AGAP1: variants seen among roughly 807,000 people sequenced by gnomAD.
The protein encoded by AGAP1 is ArfGAP with GTPase domain, ankyrin repeat and PH domain 1.
A neutral mutation model predicts 105.3 loss-of-function variants in AGAP1; 29 were observed. The observed-to-expected ratio is 0.28, with a 90% confidence interval of 0.21 to 0.38. The LOEUF is 0.38. Among genes scored for constraint, AGAP1 ranks in the 10% least tolerant of loss-of-function variants. AGAP1 has a pLI of 1.00. For synonymous variants in AGAP1, 509 were observed against 485.9 expected, an observed-to-expected ratio of 1.05 and a Z score of -0.63; for missense variants, 998 against 1,165.1, an observed-to-expected ratio of 0.86 and a Z score of 2.09.
At chr2:235,706,123 T>G (rs1171657019) in intron 1 of AGAP1, among the ~76,000 whole-genome samples, 1 of 152,248 alleles carries the variant, frequency 6.6e-6, no homozygotes, top group Non-Finnish European at 1.5e-5. Flanking sequence ...GCCATCTAGT[T>G]CCTAACCCTA....
chr2:235,504,638 G>T (rs1941714139), intron 1 of AGAP1, among the ~76,000 whole-genome samples: 1 of 152,272 alleles, frequency 6.6e-6, no homozygotes, highest in South Asian at 2.1e-4. Context: ...TGTGTGCTGG[G>T]CTGTGTCTTT....
In AGAP1 at chr2:236,120,106, G is replaced by A. The variant is rs1015241657; in HGVS notation, c.2115-86G>A. The stretch of plus-strand genomic sequence containing the variant: ...TTTCTGTTATTTCACTTCCCTCTCG[G>A]CTTCTCCCGACCACACTGGGCAGGG... On this transcript the variant is annotated intron_variant, in intron 16 of 17. Transcript: ENST00000304032. The surrounding 1 kb of genome is among the most constrained non-coding windows in gnomAD (Gnocchi z 6.0). The A allele has an allele frequency of 3.7e-5, 56 of 1,524,222 alleles. No homozygotes were observed. The African/African-American group carries it at 7.2e-4, about 20-fold the overall frequency. 94.4% of individuals were successfully genotyped at this position (1,524,222 alleles called of 1,614,324 possible).
At position 235,883,179 on chromosome 2, in the gene AGAP1, T is replaced by G. The variant is rs1435523805; in HGVS notation, c.1051-166T>G. ...TCTAGTGTAGCACGTCTCAATGTGT[T>G]TGTGTCGTATTTGTTGAACTAATGG... On this transcript the variant is annotated intron_variant, in intron 9 of 17. Coordinates refer to ENST00000304032, the MANE Select transcript of AGAP1 (RefSeq NM_001037131.3). This position sits in a 1 kb window ranked among gnomAD's most constrained non-coding sequence, Gnocchi z 4.5. Among the ~76,000 whole-genome samples, 3 of 152,128 alleles carry G rather than the reference T, an allele frequency of 2.0e-5. No individual in the cohort carries two copies. Among genetic ancestry groups the G allele is most frequent in the Non-Finnish European group, 4.4e-5 (3 of 68,024 alleles).
At chr2:235,748,907 G>A (rs1446942977) in intron 5 of AGAP1, among the ~76,000 whole-genome samples, 1 of 152,172 alleles carries the variant, frequency 6.6e-6, no homozygotes, top group African/African-American at 2.4e-5. Flanking sequence ...AAAGATTCAG[G>A]TTAGGAAACT....
In AGAP1 at chr2:235,971,735, G is replaced by GTTTTA. The variant is rs1294323907; in HGVS notation, c.1645+3121_1645+3125dup. Among the ~76,000 whole-genome samples the GTTTTA allele has an allele frequency of 1.1e-4, 16 of 143,428 alleles. No individual in the cohort carries two copies. Among genetic ancestry groups the GTTTTA allele is most frequent in the African/African-American group, 4.5e-4 (16 of 35,436 alleles). The allele number at this position is 143,428 out of a possible 152,430, so 94.1% of individuals were successfully genotyped here. ...CTTGAAACTAAAGCTAGTTATATAT[G>GTTTTA]TTTTATTTTATTTATTTATTTATTT... On this transcript the variant is annotated intron_variant, in intron 13 of 17. Coordinates refer to ENST00000304032, the MANE Select transcript of AGAP1 (RefSeq NM_001037131.3). This position sits in a 1 kb window ranked among gnomAD's most constrained non-coding sequence, Gnocchi z 4.8.
chr2:235,510,007 G>A (rs1942004522), intron 1 of AGAP1, among the ~76,000 whole-genome samples: 1 of 152,052 alleles, frequency 6.6e-6, no homozygotes, highest in African/African-American at 2.4e-5. Flanking sequence ...TAGATTTGGC[G>A]CTCCTTATGA....
intron 12 of AGAP1, among the ~76,000 whole-genome samples, chr2:235,935,111 C>A (rs906094062): frequency 6.6e-6 from 1 of 152,156 alleles, no homozygotes; most frequent in Non-Finnish European, 1.5e-5. Context: ...ATGCCCACTG[C>A]TTTATGACTA....
chr2:236,071,416 G>A (rs2058492997), intron 16 of AGAP1, among the ~76,000 whole-genome samples: 1 of 152,088 alleles, frequency 6.6e-6, no homozygotes. Flanking sequence ...CCCACCCAAG[G>A]GACTGTGAGG....
Position 236,060,542 on chromosome 2 carries a change from T to C in AGAP1, c.2114+11261T>C, listed in dbSNP as rs72973045. Among the ~76,000 whole-genome samples, 1,201 of 151,656 alleles carry C rather than the reference T, an allele frequency of 7.9e-3. 15 individuals are homozygous for C. The highest frequency in any genetic ancestry group is 0.014 in the Middle Eastern group (4 of 290). ...CATCTCTATAAAAAATAAAAAACAT[T>C]AGCCAGGTATGGTGACGTGCACCTG... On this transcript the variant is annotated intron_variant, in intron 16 of 17. Coordinates refer to ENST00000304032, the MANE Select transcript of AGAP1 (RefSeq NM_001037131.3).
At chr2:235,671,555 A>G (rs1021841342) in intron 1 of AGAP1, among the ~76,000 whole-genome samples, 6 of 152,220 alleles carry the variant, frequency 3.9e-5, no homozygotes, top group African/African-American at 1.4e-4. Context: ...ATGTGGACTC[A>G]GCTGACTCCG....
intron 1 of AGAP1, among the ~76,000 whole-genome samples, chr2:235,572,728 G>A (rs1276443422): frequency 3.9e-5 from 6 of 152,208 alleles, no homozygotes; most frequent in African/African-American, 1.4e-4. Context: ...GCTGCCCTTA[G>A]AGTCTTCCTG....
rs1244350931 is a variant in AGAP1, at chr2:236,001,091, G to C, written c.1645+32468G>C. Among the ~76,000 whole-genome samples, 1 of 152,184 alleles carries C rather than the reference G, an allele frequency of 6.6e-6. No homozygotes were observed. The highest frequency in any genetic ancestry group is 1.5e-5 in the Non-Finnish European group (1 of 68,040). On this transcript the variant is annotated intron_variant, in intron 13 of 17. Coordinates refer to ENST00000304032, the MANE Select transcript of AGAP1 (RefSeq NM_001037131.3). This position sits in a 1 kb window ranked among gnomAD's most constrained non-coding sequence, Gnocchi z 4.7. ...TGTCATTAGCTATACAGGAGGGGAG[G>C]GGATGGACCCTCAGAGGCGAGACGG...
rs2052981622 is a variant in AGAP1 at position 235,936,231 on chromosome 2, C to T, written c.1483+5308C>T. ...ACTTCCCTCGGCCTCCCCCAGGCCA[C>T]CACGCAGCCTCGTCACCATCGAGCA... On this transcript the variant is annotated intron_variant, in intron 12 of 17. Transcript: ENST00000304032. The surrounding 1 kb of genome is among the most constrained non-coding windows in gnomAD (Gnocchi z 4.7). 6.6e-6 allele frequency among the ~76,000 whole-genome samples: 1 copy of T among 152,218 alleles called. No homozygotes were observed. The highest frequency in any genetic ancestry group is 2.4e-5 in the African/African-American group (1 of 41,458).
chr2:235,577,836 CCAT>C lies in AGAP1; in HGVS notation c.163+82988_163+82990del, dbSNP rs1169911061. 1.1e-4 allele frequency among the ~76,000 whole-genome samples: 17 copies of C among 152,002 alleles called. No homozygotes were observed. The highest frequency in any genetic ancestry group is 4.1e-4 in the African/African-American group (17 of 41,378). On this transcript the variant is annotated intron_variant, in intron 1 of 17. Transcript: ENST00000304032. This position sits in a 1 kb window ranked among gnomAD's most constrained non-coding sequence, Gnocchi z 4.5. ...CCTCCTTCAGCGCTGCACAAAAGGC[CCAT>C]GTCTGCTCGCTGGGACCTGATAGTT...
At chr2:235,706,264 G>A (rs1031431938) in intron 1 of AGAP1, among the ~76,000 whole-genome samples, 2 of 152,118 alleles carry the variant, frequency 1.3e-5, no homozygotes, top group South Asian at 2.1e-4. Context: ...TCGCTCTGTC[G>A]CCCAGGCTGG....
At position 235,494,436 on chromosome 2, in the gene AGAP1, C is replaced by T. The variant is rs1317212695; in HGVS notation, c.-251C>T. The stretch of plus-strand genomic sequence containing the variant: ...CGCGCTCCATGGGGGCGCGCTCCCC[C>T]CGGGCGGCCCGCTGACCCGGGACGC... On this transcript the variant is annotated 5_prime_UTR_variant, in exon 1 of 18. Transcript: ENST00000304032. 1 of 143,712 alleles carries T rather than the reference C, an allele frequency of 7.0e-6. No homozygotes were observed. Among genetic ancestry groups the T allele is most frequent in the Non-Finnish European group, 1.5e-5 (1 of 64,736 alleles). 8.9% of individuals were successfully genotyped at this position (143,712 alleles called of 1,614,324 possible).
rs555609356 is a variant in AGAP1, at chr2:236,035,757, T to C, written c.1646-804T>C. 1.2e-4 allele frequency among the ~76,000 whole-genome samples: 19 copies of C among 152,148 alleles called. No individual in the cohort carries two copies. The highest frequency in any genetic ancestry group is 4.3e-4 in the African/African-American group (18 of 41,500). ...GAGGCCGACGTGGATCTGTGGAGTG[T>C]CTCCTATGGACCAGGTCCCAAGTCC... On this transcript the variant is annotated intron_variant, in intron 13 of 17. Coordinates refer to ENST00000304032, the MANE Select transcript of AGAP1 (RefSeq NM_001037131.3). The surrounding 1 kb of genome is among the most constrained non-coding windows in gnomAD (Gnocchi z 4.2).
intron 1 of AGAP1, among the ~76,000 whole-genome samples, chr2:235,641,313 T>TCTTTCTC (rs1947183673): frequency 6.7e-6 from 1 of 148,488 alleles, no homozygotes; most frequent in African/African-American, 2.5e-5. Flanking sequence ...CTCTCTCTCT[T>TCTTTCTC]TCTCTTTCTC....
intron 9 of AGAP1, among the ~76,000 whole-genome samples, chr2:235,848,744 C>A (rs947962393): frequency 6.6e-6 from 1 of 152,220 alleles, no homozygotes; most frequent in South Asian, 2.1e-4. Context: ...CAGGTGAGAA[C>A]ACACAGTTGC....
Sources: gnomAD v4.1 joint callset for allele counts (sites outside exome capture counted in the v4.1 genomes callset) on GRCh38, gnomAD v4.1.1 for gene constraint, Gnocchi (gnomAD v3.1) non-coding constraint, MANE v1.5 for transcripts, NCBI Gene and HGNC (gene_info 2026-07-23, HGNC 2026-07-21) for gene names.